PRRX2: variants seen among roughly 807,000 people sequenced by gnomAD.
PRRX2 encodes paired related homeobox 2.
A neutral mutation model predicts 18.0 loss-of-function variants in PRRX2; 11 were observed. The ratio of observed to expected loss-of-function variants is 0.61; its 90% CI spans 0.39 to 1.01. The LOEUF is 1.01. PRRX2 is among the 50% of genes least tolerant of loss of function. The pLI is 0.01. For synonymous variants in PRRX2, 177 were observed against 154.8 expected (o/e 1.14, Z -1.06); for missense variants, 387 against 351.0 (o/e 1.10, Z -0.82).
chr9:129,690,771 G>A (rs1832351470), intron 1 of PRRX2, among the ~76,000 whole-genome samples: 1 of 151,812 alleles, frequency 6.6e-6, no homozygotes, highest in African/African-American at 2.4e-5. Context: ...CTCCCAAAGT[G>A]CTGGGATTAC....
chr9:129,674,979 C>T (rs1019814678), intron 1 of PRRX2, among the ~76,000 whole-genome samples: 5 of 152,160 alleles, frequency 3.3e-5, no homozygotes, highest in Non-Finnish European at 2.9e-5. Context: ...CAATAGCCCC[C>T]TGCCTAGCGA....
intron 1 of PRRX2, among the ~76,000 whole-genome samples, chr9:129,696,942 G>T (rs1295355601): frequency 6.6e-6 from 1 of 152,218 alleles, no homozygotes; most frequent in Non-Finnish European, 1.5e-5. Flanking sequence ...CCAGCTGAAT[G>T]GCCGCTCTGC....
chr9:129,709,421 G>C lies in PRRX2; in HGVS notation c.260-9810G>C, dbSNP rs1832593508. Among the ~76,000 whole-genome samples, 1 of 152,138 alleles carries C rather than the reference G, an allele frequency of 6.6e-6. No homozygotes were observed. Among genetic ancestry groups the C allele is most frequent in the Non-Finnish European group, 1.5e-5 (1 of 68,028 alleles). On this transcript the variant is annotated intron_variant, in intron 1 of 3. Transcript: ENST00000372469. The surrounding 1 kb of genome is among the most constrained non-coding windows in gnomAD (Gnocchi z 4.2). ...CTCCTCCAAACTCCAGGGTCATCCT[G>C]AGCCTGCGGAGGCCACACTAGCCAC... is the stretch of plus-strand genomic sequence containing the variant.
intron 1 of PRRX2, among the ~76,000 whole-genome samples, chr9:129,707,650 G>T (rs370060648): frequency 6.6e-6 from 1 of 152,068 alleles, no homozygotes; most frequent in East Asian, 2.0e-4. Context: ...AATTAACCCG[G>T]TACGGTGATG....
At chr9:129,699,149 G>A (rs1406477024) in intron 1 of PRRX2, among the ~76,000 whole-genome samples, 1 of 152,244 alleles carries the variant, frequency 6.6e-6, no homozygotes, top group African/African-American at 2.4e-5. Flanking sequence ...TAGGCTGGGC[G>A]CAGTGGCTCA....
At chr9:129,681,977 G>A (rs999997249) in intron 1 of PRRX2, among the ~76,000 whole-genome samples, 4 of 151,990 alleles carry the variant, frequency 2.6e-5, no homozygotes, top group Non-Finnish European at 2.9e-5. Context: ...TGCCTGTGGC[G>A]CCGAGAATTT....
intron 2 of PRRX2, among the ~76,000 whole-genome samples, chr9:129,719,755 G>A (rs576251002): frequency 1.1e-4 from 17 of 152,340 alleles, no homozygotes; most frequent in African/African-American, 4.1e-4. Context: ...GAGAGGCCGA[G>A]GTGGGTGGAT....
intron 3 of PRRX2, among the ~76,000 whole-genome samples, chr9:129,721,008 TGG>T (rs927346301): frequency 3.3e-5 from 5 of 149,816 alleles, no homozygotes; most frequent in African/African-American, 1.3e-4. Context: ...AACGTACATG[TGG>T]GCACACATGA....
chr9:129,681,539 G>T (rs1313170864), intron 1 of PRRX2, among the ~76,000 whole-genome samples: 5 of 152,080 alleles, frequency 3.3e-5, no homozygotes, highest in Non-Finnish European at 5.9e-5. Flanking sequence ...CAGAAAGCAG[G>T]TTCCTTGATG....
chr9:129,685,958 G>T (rs942394390), intron 1 of PRRX2, among the ~76,000 whole-genome samples: 1 of 152,202 alleles, frequency 6.6e-6, no homozygotes, highest in Non-Finnish European at 1.5e-5. Flanking sequence ...GACCAGTGAG[G>T]GAAGGGTTCC....
Position 129,695,164 on chromosome 9 carries a change from C to T in PRRX2, c.260-24067C>T, listed in dbSNP as rs2130920933. Among the ~76,000 whole-genome samples the T allele has an allele frequency of 6.6e-6, 1 of 152,302 alleles. No individual in the cohort carries two copies. The highest frequency in any genetic ancestry group is 1.9e-4 in the East Asian group (1 of 5,176). ...CCAGGGCCTCATGAAGATCCAGGGTCATTCTAGAAGTTCTAGGAGGATTAT... is the reference window on the plus strand; with the variant it reads ...CCAGGGCCTCATGAAGATCCAGGGTTATTCTAGAAGTTCTAGGAGGATTAT... On this transcript the variant is annotated intron_variant, in intron 1 of 3. Coordinates refer to ENST00000372469, the MANE Select transcript of PRRX2 (RefSeq NM_016307.4). This position sits in a 1 kb window ranked among gnomAD's most constrained non-coding sequence, Gnocchi z 4.8.
intron 1 of PRRX2, among the ~76,000 whole-genome samples, chr9:129,704,751 G>T (rs1457248276): frequency 6.6e-6 from 1 of 152,174 alleles, no homozygotes; most frequent in Non-Finnish European, 1.5e-5. Context: ...GAGACGACAA[G>T]AATGACAGGT....
At chr9:129,696,846 G>A (rs1249841774) in intron 1 of PRRX2, among the ~76,000 whole-genome samples, 3 of 152,316 alleles carry the variant, frequency 2.0e-5, no homozygotes, top group East Asian at 3.9e-4. Flanking sequence ...CGCCCCGGGT[G>A]AAGGTGACTT....
At chr9:129,685,245 C>T (rs1832287440) in intron 1 of PRRX2, among the ~76,000 whole-genome samples, 1 of 152,242 alleles carries the variant, frequency 6.6e-6, no homozygotes, top group Non-Finnish European at 1.5e-5. Context: ...TAGCAGCATC[C>T]CCCTCACGTT....
rs1459206867 is a variant in PRRX2, at chr9:129,715,872, T to A, written c.260-3359T>A. ...CAAGAGTCAGTAAACCCTCCTAACC[T>A]GGGAACTGATTAAAAGCAGATATTC... On this transcript the variant is annotated intron_variant, in intron 1 of 3. Transcript: ENST00000372469. The surrounding 1 kb of genome is among the most constrained non-coding windows in gnomAD (Gnocchi z 4.0). Among the ~76,000 whole-genome samples the A allele has an allele frequency of 6.6e-6, 1 of 151,846 alleles. No homozygotes were observed. Among genetic ancestry groups the A allele is most frequent in the Non-Finnish European group, 1.5e-5 (1 of 67,986 alleles).
At chr9:129,697,682 A>T (rs1398318680) in intron 1 of PRRX2, among the ~76,000 whole-genome samples, 1 of 151,788 alleles carries the variant, frequency 6.6e-6, no homozygotes, top group East Asian at 1.9e-4. Context: ...CCCCGTCCAG[A>T]TGGGAAAGCC....
intron 1 of PRRX2, among the ~76,000 whole-genome samples, chr9:129,684,572 C>T (rs1049892059): frequency 3.3e-5 from 5 of 151,786 alleles, no homozygotes; most frequent in African/African-American, 9.7e-5. Flanking sequence ...GAAAAAGTCT[C>T]GCTGTGCCAT....
At chr9:129,700,371 C>A (rs1260309896) in intron 1 of PRRX2, among the ~76,000 whole-genome samples, 1 of 150,572 alleles carries the variant, frequency 6.6e-6, no homozygotes, top group Non-Finnish European at 1.5e-5. Context: ...TGAAGCCTCG[C>A]TCTGTCGCCC....
rs757247703 is a variant in PRRX2 at position 129,719,439 on chromosome 9, C to T, written c.447+21C>T. ...TTCAGGTGAGCGCTCAGTCCCGGGCCTCCCGTGGGAGCGTGCGCGTGGGAG... is the reference window on the plus strand; with the variant it reads ...TTCAGGTGAGCGCTCAGTCCCGGGCTTCCCGTGGGAGCGTGCGCGTGGGAG... On this transcript the variant is annotated intron_variant, in intron 2 of 3. Coordinates refer to ENST00000372469, the MANE Select transcript of PRRX2 (RefSeq NM_016307.4). The T allele has an allele frequency of 1.4e-5, 21 of 1,492,874 alleles. No homozygotes were observed. The African/African-American group carries it at 1.7e-4, about 12-fold the overall frequency. The allele number at this position is 1,492,874 out of a possible 1,614,324, so 92.5% of individuals were successfully genotyped here. A position where few individuals can be genotyped will look rare whatever the true frequency, so the allele number is the denominator to read the frequency against.
Sources: gnomAD v4.1 joint callset for allele counts (sites outside exome capture counted in the v4.1 genomes callset) on GRCh38, gnomAD v4.1.1 for gene constraint, Gnocchi (gnomAD v3.1) non-coding constraint, MANE v1.5 for transcripts, NCBI Gene and HGNC (gene_info 2026-07-23, HGNC 2026-07-21) for gene names.